Variants in ZNRF1 observed in about 807,000 individuals in gnomAD.
The protein encoded by ZNRF1 is E3 ubiquitin-protein ligase ZNRF1.
A neutral mutation model predicts 18.4 loss-of-function variants in ZNRF1; 3 were observed. That is an observed-to-expected ratio of 0.16 (90% CI 0.07 to 0.42). The LOEUF is 0.42. ZNRF1 is among the 10% of genes least tolerant of loss of function. ZNRF1 has a pLI of 0.99. For missense variants in ZNRF1, 310 were observed against 329.8 expected (o/e 0.94, Z 0.47); for synonymous variants, 157 against 144.2 (o/e 1.09, Z -0.64).
intron 1 of ZNRF1, among the ~76,000 whole-genome samples, chr16:75,010,726 T>TTTC (rs2034988926): frequency 7.0e-6 from 1 of 142,544 alleles, no homozygotes; most frequent in Non-Finnish European, 1.5e-5. Flanking sequence ...TTTGTTTTTT[T>TTTC]TTTTTTGAGG....
chr16:75,026,642 A>G (rs773252061), intron 1 of ZNRF1, among the ~76,000 whole-genome samples: 1 of 152,188 alleles, frequency 6.6e-6, no homozygotes, highest in African/African-American at 2.4e-5. Context: ...AGTATGTAAT[A>G]AGAATATTTC....
Position 75,058,161 on chromosome 16 carries a change from G to C in ZNRF1, c.425-35411G>C, listed in dbSNP as rs187434776. Among the ~76,000 whole-genome samples, 786 of 150,778 alleles carry C rather than the reference G, an allele frequency of 5.2e-3. 6 individuals carry two copies. The highest frequency in any genetic ancestry group is 6.4e-3 in the Non-Finnish European group (435 of 67,804). On this transcript the variant is annotated intron_variant, in intron 1 of 4. Transcript: ENST00000335325. ...TATTTTATTATTTTAGAGACGGGGG[G>C]GTGGTCTCACTATGTTGTCCAGGCT...
chr16:75,016,699 CTT>C (rs35899706), intron 1 of ZNRF1, among the ~76,000 whole-genome samples: 10 of 99,488 alleles, frequency 1.0e-4, no homozygotes, highest in African/African-American at 1.3e-4. Context: ...CCATGCCTGG[CTT>C]TTTTTTTTTT....
intron 1 of ZNRF1, among the ~76,000 whole-genome samples, chr16:75,016,680 C>T (rs982978633): frequency 6.8e-6 from 1 of 147,196 alleles, no homozygotes; most frequent in African/African-American, 2.5e-5. Context: ...GGACTACAGG[C>T]GTCTGTCACC....
At chr16:75,105,934 G>A (rs1479140976) in intron 3 of ZNRF1, 4 of 153,196 alleles carry the variant, frequency 2.6e-5, no homozygotes, top group Non-Finnish European at 5.8e-5. Flanking sequence ...AGATGCTGCT[G>A]ATCAGCTGAT....
chr16:75,010,553 T>C (rs2034981330), intron 1 of ZNRF1, among the ~76,000 whole-genome samples: 1 of 152,158 alleles, frequency 6.6e-6, no homozygotes, highest in Admixed American at 6.5e-5. Flanking sequence ...TTTAGGTATG[T>C]ATGGTCTCTC....
intron 1 of ZNRF1, among the ~76,000 whole-genome samples, chr16:75,089,539 A>G (rs2036111852): frequency 6.6e-6 from 1 of 152,192 alleles, no homozygotes. Context: ...CTCCAGAGGT[A>G]ATATTTCCCA....
intron 1 of ZNRF1, among the ~76,000 whole-genome samples, chr16:75,030,336 T>C (rs935271685): frequency 6.6e-6 from 1 of 151,958 alleles, no homozygotes; most frequent in African/African-American, 2.4e-5. Flanking sequence ...AAGAATGTGG[T>C]TTGGACCCCT....
intron 1 of ZNRF1, among the ~76,000 whole-genome samples, chr16:75,010,711 G>GTGTTTTTTTTT (rs1367958306): frequency 2.7e-5 from 2 of 74,324 alleles, no homozygotes; most frequent in African/African-American, 7.8e-5. Flanking sequence ...GTTTTTTTTT[G>GTGTTTTTTTTT]TTTTTTTGTT....
intron 1 of ZNRF1, among the ~76,000 whole-genome samples, chr16:75,022,857 T>G (rs1368683764): frequency 6.6e-6 from 1 of 152,222 alleles, no homozygotes; most frequent in Non-Finnish European, 1.5e-5. Context: ...GCCCTTGTGC[T>G]GAGAGTCTAG....
chr16:75,099,102 C>T (rs970250493), intron 2 of ZNRF1, among the ~76,000 whole-genome samples: 2 of 152,194 alleles, frequency 1.3e-5, no homozygotes, highest in Non-Finnish European at 2.9e-5. Flanking sequence ...CAAGGGAAGA[C>T]ACCCTTATGG....
chr16:75,014,413 A>G (rs565720970), intron 1 of ZNRF1, among the ~76,000 whole-genome samples: 2 of 152,322 alleles, frequency 1.3e-5, no homozygotes, highest in East Asian at 3.9e-4. Flanking sequence ...AGATATTATG[A>G]GGTGTGTGTG....
rs574991483 is a variant in ZNRF1 at position 75,028,666 on chromosome 16, A to G, written c.424+28571A>G. On this transcript the variant is annotated intron_variant, in intron 1 of 4. Transcript: ENST00000335325. The stretch of plus-strand genomic sequence containing the variant: ...TTGGTTTTCTGATTTTTCTTCTTCC[A>G]TCCTCCTTGAATCCACTCCACTCAG... Among the ~76,000 whole-genome samples the G allele has an allele frequency of 2.0e-5, 3 of 152,322 alleles. No individual in the cohort carries two copies. The South Asian group carries it at 6.2e-4, about 32-fold the overall frequency.
chr16:75,089,521 T>C (rs146232956), intron 1 of ZNRF1, among the ~76,000 whole-genome samples: 1 of 152,178 alleles, frequency 6.6e-6, no homozygotes, highest in South Asian at 2.1e-4. Context: ...ACACCAGTGG[T>C]GCTTCCTCTC....
At chr16:75,089,892 C>G (rs892636537) in intron 1 of ZNRF1, among the ~76,000 whole-genome samples, 1 of 152,150 alleles carries the variant, frequency 6.6e-6, no homozygotes, top group Non-Finnish European at 1.5e-5. Context: ...GTAAATGATG[C>G]TATTATAGGG....
chr16:75,022,056 A>C (rs986992620), intron 1 of ZNRF1, among the ~76,000 whole-genome samples: 1 of 152,166 alleles, frequency 6.6e-6, no homozygotes, highest in South Asian at 2.1e-4. Flanking sequence ...TCAGTACACT[A>C]ATCCTTCCGT....
At chr16:75,013,629 G>A (rs2035028696) in intron 1 of ZNRF1, among the ~76,000 whole-genome samples, 1 of 152,158 alleles carries the variant, frequency 6.6e-6, no homozygotes, top group South Asian at 2.1e-4. Context: ...ACAGGCGTGA[G>A]CCACCGCGCC....
intron 1 of ZNRF1, among the ~76,000 whole-genome samples, chr16:75,020,387 G>T (rs966332545): frequency 6.6e-6 from 1 of 151,892 alleles, no homozygotes; most frequent in African/African-American, 2.4e-5. Context: ...CCATTTAAAA[G>T]TATTATGATA....
intron 1 of ZNRF1, among the ~76,000 whole-genome samples, chr16:75,092,787 T>G (rs1484966032): frequency 6.6e-6 from 1 of 151,348 alleles, no homozygotes; most frequent in African/African-American, 2.4e-5. Context: ...AGGGAGAGAG[T>G]TGCTACCTGG....
Sources: gnomAD v4.1 joint callset for allele counts (sites outside exome capture counted in the v4.1 genomes callset) on GRCh38, gnomAD v4.1.1 for gene constraint, MANE v1.5 for transcripts, NCBI Gene and HGNC (gene_info 2026-07-23, HGNC 2026-07-21) for gene names.